The following DMD variants were observed in gnomAD, a reference collection of about 807,000 sequenced individuals.
DMD encodes the protein mutant dystrophin.
In DMD, 63 loss-of-function variants were observed where a neutral mutation model predicts 330.1. The observed-to-expected ratio is 0.19, with a 90% CI of 0.16 to 0.24. DMD has a LOEUF of 0.24. Among genes scored for constraint, DMD ranks in the 10% least tolerant of loss-of-function variants. The pLI is 1.00. For synonymous variants in DMD, 1,223 were observed against 959.8 expected, an observed-to-expected ratio of 1.27 and a Z score of -5.07; for missense variants, 3,344 against 2,684.1, an observed-to-expected ratio of 1.25 and a Z score of -5.43.
Position 32,653,440 on chromosome X carries a change from T to C in DMD, c.961-8288A>G, listed in dbSNP as rs760472084. ...ATCCTTTCCCCATTGCTTGTTTTTC[T>C]CAGGTTTGTCAAAGATCAGATAGTA... On this transcript the variant is annotated intron_variant, in intron 9 of 78. Transcript: ENST00000357033. 6.2e-5 allele frequency among the ~76,000 whole-genome samples: 7 copies of C among 112,023 alleles called. No individual in the cohort carries two copies. In the South Asian group the frequency reaches 1.8e-3, roughly 30 times the overall value.
At chrX:33,215,639 A>C (rs2052039819), upstream of DMD, among the ~76,000 whole-genome samples, 1 of 111,389 alleles carries the variant, frequency 9.0e-6, no homozygotes, top group Non-Finnish European at 1.9e-5. Context: ...TTCTTCTAGG[A>C]TTTTTTACAG....
chrX:32,269,750 C>G (rs1385163212), intron 43 of DMD, among the ~76,000 whole-genome samples: 1 of 111,829 alleles, frequency 8.9e-6, no homozygotes, highest in Non-Finnish European at 1.9e-5. Flanking sequence ...TAAATAAATA[C>G]TTTTAAAACT....
At chrX:31,433,144 C>A (rs769615000) in intron 60 of DMD, among the ~76,000 whole-genome samples, 1 of 112,118 alleles carries the variant, frequency 8.9e-6, no homozygotes, top group Non-Finnish European at 1.9e-5. Context: ...TGAGCACATG[C>A]ATTATTTGGT....
intron 55 of DMD, among the ~76,000 whole-genome samples, chrX:31,576,579 T>C (rs925401451): frequency 5.4e-5 from 6 of 110,989 alleles, no homozygotes; most frequent in Admixed American, 4.8e-4. Context: ...TCTCATTTCT[T>C]ACTAGCATTT....
At chrX:31,622,638 C>A (rs2078599702) in intron 55 of DMD, among the ~76,000 whole-genome samples, 1 of 108,523 alleles carries the variant, frequency 9.2e-6, no homozygotes, top group South Asian at 4.1e-4. Context: ...GAAGAGGGGC[C>A]CTCACCAGGC....
intron 44 of DMD, among the ~76,000 whole-genome samples, chrX:32,042,431 G>C (rs1014401331): frequency 9.1e-6 from 1 of 109,923 alleles, no homozygotes; most frequent in African/African-American, 3.3e-5. Context: ...GAAGGGGGAA[G>C]AGCCCTTTAT....
rs981041050 is a variant in DMD, at chrX:32,545,649, A to C, written c.1993-315T>G. 2.7e-5 allele frequency among the ~76,000 whole-genome samples: 3 copies of C among 111,448 alleles called. No individual in the cohort carries two copies. In the Admixed American group the frequency reaches 2.9e-4, roughly 11 times the overall value. On this transcript the variant is annotated intron_variant, in intron 16 of 78. Coordinates refer to ENST00000357033, the MANE Select transcript of DMD (RefSeq NM_004006.3). The stretch of plus-strand genomic sequence containing the variant: ...TAGAGTATAATTCATTCTGATAGTT[A>C]ATTCTACATGCTGTTTAAAATGTTT...
intron 2 of DMD, among the ~76,000 whole-genome samples, chrX:32,893,692 C>A (rs2085436666): frequency 9.0e-6 from 1 of 110,782 alleles, no homozygotes; most frequent in Admixed American, 9.6e-5. Context: ...GTATTTCTTC[C>A]ATATCCACAA....
intron 29 of DMD, among the ~76,000 whole-genome samples, chrX:32,437,126 G>A (rs1217310193): frequency 9.0e-6 from 1 of 111,472 alleles, no homozygotes; most frequent in Non-Finnish European, 1.9e-5. Flanking sequence ...CAATTTACTT[G>A]CCACATAGCA....
intron 44 of DMD, among the ~76,000 whole-genome samples, chrX:32,160,208 G>A (rs2096844175): frequency 2.0e-5 from 2 of 100,946 alleles, no homozygotes; most frequent in Non-Finnish European, 4.0e-5. Context: ...TTCCAACTTT[G>A]GTTTTTTTTT....
intron 55 of DMD, among the ~76,000 whole-genome samples, chrX:31,569,632 G>A (rs909718597): frequency 6.3e-5 from 6 of 95,598 alleles, no homozygotes; most frequent in African/African-American, 1.6e-4. Context: ...ACGTATATAC[G>A]TATATATATG....
intron 44 of DMD, among the ~76,000 whole-genome samples, chrX:32,082,041 G>A (rs2096395451): frequency 9.1e-6 from 1 of 110,371 alleles, no homozygotes; most frequent in Admixed American, 9.7e-5. Context: ...TATCTGAGGA[G>A]CCCAGAGTGA....
At chrX:32,520,314 T>G (rs746399159) in intron 17 of DMD, among the ~76,000 whole-genome samples, 20 of 112,340 alleles carry the variant, frequency 1.8e-4, no homozygotes, top group South Asian at 1.1e-3. Flanking sequence ...ACTCTCCTAC[T>G]ATGGTTATTT....
At chrX:32,632,025 A>G (rs1163381074) in intron 11 of DMD, among the ~76,000 whole-genome samples, 4 of 111,769 alleles carry the variant, frequency 3.6e-5, no homozygotes, top group Non-Finnish European at 7.5e-5. Context: ...CTCATCTGAG[A>G]CAAGGTAAGT....
At position 33,211,432 on chromosome X, in the gene DMD, A is replaced by C; in HGVS notation, c.-120T>G. 1 of 1,155,777 alleles carries C rather than the reference A, an allele frequency of 8.7e-7. No homozygotes were observed. The highest frequency in any genetic ancestry group is 1.2e-6 in the Non-Finnish European group (1 of 866,835). Reference sequence around the variant, plus strand: ...AACAAACTTCAGCAGCTTTAAAAAAAGTAACACTTCAGTTTTTCCTATTCG... The same window carrying C: ...AACAAACTTCAGCAGCTTTAAAAAACGTAACACTTCAGTTTTTCCTATTCG... On this transcript the variant is annotated 5_prime_UTR_variant, in exon 1 of 79. Transcript: ENST00000357033.
At chrX:31,189,561 G>T (rs1448198097) in intron 67 of DMD, among the ~76,000 whole-genome samples, 3 of 111,734 alleles carry the variant, frequency 2.7e-5, no homozygotes, top group Non-Finnish European at 5.6e-5. Flanking sequence ...TTGGGCAAGA[G>T]ACTGTGCCCA....
chrX:32,353,687 T>C (rs1200659940), intron 37 of DMD, among the ~76,000 whole-genome samples: 1 of 111,378 alleles, frequency 9.0e-6, no homozygotes, highest in Non-Finnish European at 1.9e-5. Context: ...ACACTTTTAA[T>C]TTTTTACTTA....
At chrX:32,408,720 A>G (rs771695857) in intron 30 of DMD, among the ~76,000 whole-genome samples, 1 of 111,859 alleles carries the variant, frequency 8.9e-6, no homozygotes, top group Non-Finnish European at 1.9e-5. Flanking sequence ...TAAATATACC[A>G]TTTATGAGAA....
intron 13 of DMD, among the ~76,000 whole-genome samples, chrX:32,581,632 G>A (rs750173940): frequency 1.8e-5 from 2 of 111,599 alleles, no homozygotes; most frequent in Non-Finnish European, 3.8e-5. Flanking sequence ...AATTAAAAAT[G>A]GACATTTTTA....
Sources: allele counts gnomAD v4.1 joint callset (sites outside exome capture counted in the v4.1 genomes callset), GRCh38; gene constraint gnomAD v4.1.1; transcripts MANE v1.5; gene names NCBI Gene and HGNC (gene_info 2026-07-23, HGNC 2026-07-21).